The following QTGAL variants were observed in gnomAD, a reference collection of about 807,000 sequenced individuals.
The protein encoded by QTGAL is queuosine-tRNA galactosyltransferase.
chr17:82,967,207 G>T, the QTGAL span, among the ~76,000 whole-genome samples: 1 of 152,110 alleles, frequency 6.6e-6, no homozygotes, highest in Non-Finnish European at 1.5e-5. Context: ...TATCATTTTG[G>T]GGGGACACCA....
chr17:83,031,075 C>T, the QTGAL span, among the ~76,000 whole-genome samples: 1 of 152,232 alleles, frequency 6.6e-6, no homozygotes, highest in Non-Finnish European at 1.5e-5. Flanking sequence ...TATTTAGAGG[C>T]TATTTTCTTT....
At chr17:82,955,143 G>T in the QTGAL span, among the ~76,000 whole-genome samples, 2 of 152,210 alleles carry the variant, frequency 1.3e-5, no homozygotes, top group African/African-American at 4.8e-5. Flanking sequence ...TTAAACTAAG[G>T]AGCTTCTGCT....
the QTGAL span, among the ~76,000 whole-genome samples, chr17:82,976,244 G>C: frequency 1.1e-5 from 1 of 90,158 alleles, no homozygotes; most frequent in Non-Finnish European, 2.1e-5. Flanking sequence ...ATCCTCCCAG[G>C]GACCAGAGGC....
chr17:83,042,162 T>C, the QTGAL span, among the ~76,000 whole-genome samples: 1 of 152,300 alleles, frequency 6.6e-6, no homozygotes, highest in African/African-American at 2.4e-5. Context: ...AGTCCAGGAA[T>C]TCGAGACCAG....
chr17:82,966,552 C>T, the QTGAL span, among the ~76,000 whole-genome samples: 1 of 152,182 alleles, frequency 6.6e-6, no homozygotes, highest in East Asian at 1.9e-4. Flanking sequence ...AGCAGAGCCG[C>T]CTGGCTGGGG....
chr17:82,961,546 G>A, the QTGAL span, among the ~76,000 whole-genome samples: 19 of 152,292 alleles, frequency 1.2e-4, no homozygotes, highest in African/African-American at 3.4e-4. Context: ...TCCGGCCTCC[G>A]TCCCCATCCT....
At chr17:83,039,051 CGAT>C in the QTGAL span, among the ~76,000 whole-genome samples, 1 of 152,148 alleles carries the variant, frequency 6.6e-6, no homozygotes, top group Non-Finnish European at 1.5e-5. Context: ...ATACACAAGA[CGAT>C]GATGATGACA....
the QTGAL span, among the ~76,000 whole-genome samples, chr17:83,033,750 C>T: frequency 7.9e-5 from 12 of 152,034 alleles, no homozygotes; most frequent in Non-Finnish European, 1.3e-4. Context: ...GGATTACAGG[C>T]GTGAGCCACC....
chr17:82,977,669 C>A, the QTGAL span, among the ~76,000 whole-genome samples: 18 of 152,180 alleles, frequency 1.2e-4, no homozygotes, highest in East Asian at 3.5e-3. Context: ...TCTCCCTCCT[C>A]AGACAACTAG....
At chr17:82,970,618 ACCCG>A in the QTGAL span, among the ~76,000 whole-genome samples, 3 of 139,558 alleles carry the variant, frequency 2.1e-5, 1 homozygote, top group Non-Finnish European at 3.0e-5. Flanking sequence ...CGACCTCCCC[ACCCG>A]GCGTGGCCGC....
chr17:83,008,217 G>A, the QTGAL span, among the ~76,000 whole-genome samples: 2 of 152,202 alleles, frequency 1.3e-5, no homozygotes, highest in African/African-American at 4.8e-5. Flanking sequence ...AGGCCTGTGC[G>A]CTGGCCTGAG....
chr17:82,942,372 G>C, the QTGAL span: 6 of 1,606,204 alleles, frequency 3.7e-6, no homozygotes, highest in Admixed American at 1.7e-5. Flanking sequence ...ACAGGGCCCA[G>C]AGGGGTGAGG....
At chr17:83,051,659 A>C in the QTGAL span, 9 of 1,309,144 alleles carry the variant, frequency 6.9e-6, no homozygotes, top group Middle Eastern at 5.1e-4. Flanking sequence ...CCCCGGAGCG[A>C]GAGAGGACTG....
the QTGAL span, among the ~76,000 whole-genome samples, chr17:83,018,290 G>A: frequency 1.2e-4 from 18 of 151,916 alleles, no homozygotes; most frequent in African/African-American, 4.3e-4. Context: ...CAAACACGGT[G>A]CGCCTGCATC....
the QTGAL span, among the ~76,000 whole-genome samples, chr17:83,027,008 C>T: frequency 2.5e-5 from 3 of 120,470 alleles, no homozygotes; most frequent in South Asian, 5.7e-4. Context: ...ACACACAGAG[C>T]GGGGCAGGGA....
chr17:83,044,387 T>C, the QTGAL span, among the ~76,000 whole-genome samples: 1 of 152,202 alleles, frequency 6.6e-6, no homozygotes, highest in Non-Finnish European at 1.5e-5. Flanking sequence ...GAAAAAACTA[T>C]ATGATCATCT....
the QTGAL span, among the ~76,000 whole-genome samples, chr17:83,001,277 T>C: frequency 6.6e-6 from 1 of 152,198 alleles, no homozygotes; most frequent in African/African-American, 2.4e-5. Flanking sequence ...GTCGGACTAC[T>C]GAAAGCACCG....
chr17:82,982,061 C>CGGGT, the QTGAL span, among the ~76,000 whole-genome samples: 1 of 147,180 alleles, frequency 6.8e-6, no homozygotes, highest in Non-Finnish European at 1.5e-5. Flanking sequence ...ATGGGCCAAG[C>CGGGT]GGGTGGAGGA....
At chr17:83,040,832 G>A in the QTGAL span, among the ~76,000 whole-genome samples, 9 of 152,152 alleles carry the variant, frequency 5.9e-5, no homozygotes, top group Non-Finnish European at 1.0e-4. Flanking sequence ...TTGGGAGGCC[G>A]AGGCAGGCGG....
Sources: allele counts gnomAD v4.1 joint callset (sites outside exome capture counted in the v4.1 genomes callset), GRCh38; gene constraint gnomAD v4.1.1; transcripts MANE v1.5; gene names NCBI Gene and HGNC (gene_info 2026-07-23, HGNC 2026-07-21).